The following ZNF462 variants were observed in gnomAD, a reference collection of about 807,000 sequenced individuals.
The protein encoded by ZNF462 is zinc finger PBX1-interacting protein.
A neutral mutation model predicts 201.9 loss-of-function variants in ZNF462; 10 were observed. The observed-to-expected ratio is 0.05, with a 90% confidence interval of 0.03 to 0.08. The LOEUF (loss-of-function observed/expected upper bound fraction) is 0.08. Among genes scored for constraint, ZNF462 ranks in the 10% least tolerant of loss-of-function variants. ZNF462 has a pLI of 1.00. For synonymous variants in ZNF462, 1,227 were observed against 1,193.3 expected (o/e 1.03, Z -0.58); for missense variants, 2,523 against 3,168.3 (o/e 0.80, Z 4.89).
intron 9 of ZNF462, among the ~76,000 whole-genome samples, chr9:106,980,257 A>T (rs932386579): frequency 2.2e-4 from 33 of 152,182 alleles, no homozygotes; most frequent in Non-Finnish European, 3.4e-4. Context: ...TGATTTATAT[A>T]AAAATAATGT....
intron 10 of ZNF462, among the ~76,000 whole-genome samples, chr9:106,989,300 C>A (rs184802109): frequency 1.2e-4 from 18 of 152,018 alleles, no homozygotes; most frequent in Admixed American, 1.1e-3. Context: ...GATGAGCATG[C>A]GATTTCTGTT....
At chr9:106,900,126 A>G (rs1588023229) in intron 1 of ZNF462, among the ~76,000 whole-genome samples, 1 of 152,010 alleles carries the variant, frequency 6.6e-6, no homozygotes, top group Non-Finnish European at 1.5e-5. Context: ...ATCACTTAGA[A>G]TAATAGTCTC....
At chr9:106,918,881 G>C (rs932809096) in intron 1 of ZNF462, among the ~76,000 whole-genome samples, 1 of 152,228 alleles carries the variant, frequency 6.6e-6, no homozygotes, top group Admixed American at 6.5e-5. Flanking sequence ...TCAAACAACA[G>C]GTGCTAATGA....
rs1829087684 is a variant in ZNF462 at position 106,902,084 on chromosome 9, G to T, written c.-30-21270G>T. ...CATAGATGGCTTTTATTACATTAAG[G>T]TATGTCTCTCGTATGCTGATTTTGC... On this transcript the variant is annotated intron_variant, in intron 1 of 12. Transcript: ENST00000277225. The surrounding 1 kb of genome is among the most constrained non-coding windows in gnomAD (Gnocchi z 4.2). Among the ~76,000 whole-genome samples the T allele has an allele frequency of 6.6e-6, 1 of 152,016 alleles. No individual in the cohort carries two copies. The highest frequency in any genetic ancestry group is 2.1e-4 in the South Asian group (1 of 4,808).
intron 7 of ZNF462, among the ~76,000 whole-genome samples, chr9:106,959,829 C>A (rs1235678014): frequency 1.3e-5 from 2 of 152,028 alleles, no homozygotes; most frequent in African/African-American, 4.8e-5. Flanking sequence ...CCTGATCCCT[C>A]CAGCTTCTTG....
At position 107,009,352 on chromosome 9, in the gene ZNF462, G is replaced by GA; in HGVS notation, c.7190-190dup. The GA allele has an allele frequency of 1.5e-6, 1 of 664,160 alleles. No homozygotes were observed. The highest frequency in any genetic ancestry group is 2.9e-5 in the East Asian group (1 of 34,722). The allele number at this position is 664,160 out of a possible 1,614,324, so 41.1% of individuals were successfully genotyped here. A position where few individuals can be genotyped will look rare whatever the true frequency, so the allele number is the denominator to read the frequency against. The stretch of plus-strand genomic sequence containing the variant: ...ATGAGGTCTTGGGGCCCAAGAACCA[G>GA]AAACAGTTCTCGAATGCTATTCAAG... On this transcript the variant is annotated intron_variant, in intron 11 of 12. Transcript: ENST00000277225. The surrounding 1 kb of genome is among the most constrained non-coding windows in gnomAD (Gnocchi z 6.1).
In ZNF462 at chr9:106,870,880, G is replaced by A. The variant is rs917792958; in HGVS notation, c.-31+7525G>A. On this transcript the variant is annotated intron_variant, in intron 1 of 12. Coordinates refer to ENST00000277225, the MANE Select transcript of ZNF462 (RefSeq NM_021224.6). The surrounding 1 kb of genome is among the most constrained non-coding windows in gnomAD (Gnocchi z 4.3). ...TCTGAGCAGTTGAACCAGAACACAC[G>A]CTAAGGCCTCCAAATTTTGGAATTC... Among the ~76,000 whole-genome samples, 4 of 152,232 alleles carry A rather than the reference G, an allele frequency of 2.6e-5. No individual in the cohort carries two copies. Among genetic ancestry groups the A allele is most frequent in the East Asian group, 1.9e-4 (1 of 5,174 alleles).
rs1221248216 is a variant in ZNF462, at chr9:106,880,461, A to G, written c.-31+17106A>G. The stretch of plus-strand genomic sequence containing the variant: ...GTACGAGGGCTGCATTAAACCAGTG[A>G]GAAGTCCAAGGCTCCATTTCATCCC... On this transcript the variant is annotated intron_variant, in intron 1 of 12. Coordinates refer to ENST00000277225, the MANE Select transcript of ZNF462 (RefSeq NM_021224.6). The surrounding 1 kb of genome is among the most constrained non-coding windows in gnomAD (Gnocchi z 4.1). 6.6e-6 allele frequency among the ~76,000 whole-genome samples: 1 copy of G among 152,212 alleles called. No individual in the cohort carries two copies. The highest frequency in any genetic ancestry group is 2.4e-5 in the African/African-American group (1 of 41,442).
At chr9:106,864,587 T>C (rs1039011662) in intron 1 of ZNF462, among the ~76,000 whole-genome samples, 4 of 152,178 alleles carry the variant, frequency 2.6e-5, no homozygotes, top group Non-Finnish European at 5.9e-5. Flanking sequence ...CTGTTCACCA[T>C]TCCTGAAGGA....
chr9:106,967,507 A>G (rs1240637224), intron 7 of ZNF462, among the ~76,000 whole-genome samples: 3 of 142,406 alleles, frequency 2.1e-5, no homozygotes, highest in African/African-American at 8.7e-5. Context: ...TGGAATTAGC[A>G]AAAAAAAAAG....
At chr9:106,921,701 T>A (rs1172156971) in intron 1 of ZNF462, among the ~76,000 whole-genome samples, 1 of 151,956 alleles carries the variant, frequency 6.6e-6, no homozygotes, top group Non-Finnish European at 1.5e-5. Flanking sequence ...AATGCAGGAG[T>A]TGTCTGCACC....
At chr9:106,894,166 G>T (rs1192917658) in intron 1 of ZNF462, among the ~76,000 whole-genome samples, 1 of 152,228 alleles carries the variant, frequency 6.6e-6, no homozygotes, top group Admixed American at 6.5e-5. Context: ...ATAAAGACTG[G>T]ATTTAAACCG....
At chr9:106,879,332 A>ACCT in intron 1 of ZNF462, among the ~76,000 whole-genome samples, 1 of 70,704 alleles carries the variant, frequency 1.4e-5, no homozygotes, top group African/African-American at 5.6e-5. Flanking sequence ...GATGCTTTCC[A>ACCT]CCCCCCCCCC....
chr9:106,902,344 GCATCTATATT>G lies in ZNF462; in HGVS notation c.-30-21005_-30-20996del, dbSNP rs1488609911. The stretch of plus-strand genomic sequence containing the variant: ...AGCTAGTATTTTGTTAAGGATTTTA[GCATCTATATT>G]CATCAAGGATATTGGTCTGTAGTTT... On this transcript the variant is annotated intron_variant, in intron 1 of 12. Transcript: ENST00000277225. This position sits in a 1 kb window ranked among gnomAD's most constrained non-coding sequence, Gnocchi z 4.2. Among the ~76,000 whole-genome samples the G allele has an allele frequency of 1.3e-5, 2 of 152,060 alleles. No individual in the cohort carries two copies. The highest frequency in any genetic ancestry group is 1.3e-4 in the Admixed American group (2 of 15,256).
In ZNF462 at chr9:106,925,314, G is replaced by A. The variant is rs1379411162; in HGVS notation, c.1402G>A (p.Ala468Thr). The A allele has an allele frequency of 6.2e-7, 1 of 1,614,204 alleles. No homozygotes were observed. The highest frequency in any genetic ancestry group is 1.1e-5 in the South Asian group (1 of 91,082). The change falls in exon 3 of 13, where the codon GCT (alanine) becomes ACT (threonine). Residue 468 changes from alanine (A) to threonine (T), a missense_variant. Coordinates refer to ENST00000277225, the MANE Select transcript of ZNF462 (RefSeq NM_021224.6). The surrounding 1 kb of genome is among the most constrained non-coding windows in gnomAD (Gnocchi z 7.9). ...AAACATCCACTTATCTGGAAAGACA[G>A]CTGTCTACAAATGTGACGAATGTCC... ...IENIHLSGKTAVYKCDECPFT... is the reference protein window; with the variant it reads ...IENIHLSGKTTVYKCDECPFT...
chr9:106,906,400 T>C (rs934255709), intron 1 of ZNF462, among the ~76,000 whole-genome samples: 3 of 152,140 alleles, frequency 2.0e-5, no homozygotes, highest in Non-Finnish European at 4.4e-5. Flanking sequence ...TATTCCTGCC[T>C]CCCTTCTGCC....
intron 10 of ZNF462, among the ~76,000 whole-genome samples, chr9:106,989,709 A>G (rs552870371): frequency 2.0e-5 from 3 of 152,116 alleles, no homozygotes; most frequent in African/African-American, 4.8e-5. Flanking sequence ...TACCATTTCA[A>G]TCTCGCTACT....
intron 1 of ZNF462, among the ~76,000 whole-genome samples, chr9:106,906,201 C>T (rs902489219): frequency 6.6e-6 from 1 of 152,300 alleles, no homozygotes; most frequent in Admixed American, 6.5e-5. Context: ...AGGAGGGTCT[C>T]CCTTTCCCAT....
At position 106,924,839 on chromosome 9, in the gene ZNF462, C is replaced by G. The variant is rs767635208; in HGVS notation, c.927C>G (p.Ser309Arg). The change falls in exon 3 of 13, where the codon AGC (serine) becomes AGG (arginine). Residue 309 changes from serine (S) to arginine (R), a missense_variant. Physicochemically the swap from Ser to Arg is moderately radical, Grantham distance 110 (BLOSUM62 -1). Around this residue, in one of 15 missense-constraint regions of ZNF462, gnomAD observed 480 missense variants for 544.4 expected, o/e 0.88. Transcript: ENST00000277225. This position sits in a 1 kb window ranked among gnomAD's most constrained non-coding sequence, Gnocchi z 6.2. ...NSTYLTMNAA[S>R]REIPNTTVSN... ...CCTATCTGACCATGAATGCTGCAAG[C>G]CGGGAGATACCCAATACTACCGTCT... is the stretch of plus-strand genomic sequence containing the variant. 2.0e-5 allele frequency: 32 copies of G among 1,614,042 alleles called. No individual in the cohort carries two copies. The highest frequency in any genetic ancestry group is 2.2e-5 in the East Asian group (1 of 44,888).
Sources: allele counts gnomAD v4.1 joint callset (sites outside exome capture counted in the v4.1 genomes callset), GRCh38; gene constraint gnomAD v4.1.1; regional missense constraint gnomAD v4.1.1; non-coding constraint Gnocchi (gnomAD v3.1); transcripts MANE v1.5; gene names NCBI Gene and HGNC (gene_info 2026-07-23, HGNC 2026-07-21).